The following LRRC8D variants were observed in gnomAD, a reference collection of about 807,000 sequenced individuals.
The protein encoded by LRRC8D is leucine rich repeat containing 8 VRAC subunit D, also known as volume-regulated anion channel subunit LRRC8D.
A neutral mutation model predicts 55.8 loss-of-function variants in LRRC8D; 20 were observed. That is an observed-to-expected ratio of 0.36 (90% CI 0.25 to 0.52). The LOEUF (loss-of-function observed/expected upper bound fraction) is 0.52. LRRC8D is among the 20% of genes least tolerant of loss of function. The pLI is 0.93. For missense variants in LRRC8D, 651 were observed against 1,030.8 expected (o/e 0.63, Z 5.05); for synonymous variants, 352 against 377.0 (o/e 0.93, Z 0.77).
At chr1:89,854,675 A>G (rs1448348817) in intron 2 of LRRC8D, among the ~76,000 whole-genome samples, 2 of 152,224 alleles carry the variant, frequency 1.3e-5, no homozygotes, top group African/African-American at 4.8e-5. Flanking sequence ...TTTGCACATC[A>G]TTAGACAAAA....
At chr1:89,918,515 C>G (rs889697415) in intron 2 of LRRC8D, among the ~76,000 whole-genome samples, 1 of 152,220 alleles carries the variant, frequency 6.6e-6, no homozygotes, top group Non-Finnish European at 1.5e-5. Context: ...AAGGGTCCTC[C>G]CTCTCTGGAG....
Position 89,934,473 on chromosome 1 carries a change from C to T in LRRC8D, c.1405C>T (p.Gln469Ter). The T allele has an allele frequency of 6.2e-7, 1 of 1,614,110 alleles. No homozygotes were observed. Among genetic ancestry groups the T allele is most frequent in the Non-Finnish European group, 8.5e-7 (1 of 1,180,008 alleles). ...KLRQHISRNA[Q>*]DKQELHLFML... Reference sequence around the variant, plus strand: ...CAGGCAGCACATTTCACGCAACGCCCAGGACAAGCAGGAGTTGCATCTGTT... The same window carrying T: ...CAGGCAGCACATTTCACGCAACGCCTAGGACAAGCAGGAGTTGCATCTGTT... The change falls in exon 3 of 3, where the codon CAG (glutamine) becomes TAG (stop). Residue 469 changes from glutamine (Q) to a stop codon, truncating the protein, a stop_gained. Transcript: ENST00000337338. LOFTEE classifies it high-confidence loss of function. The surrounding 1 kb of genome is among the most constrained non-coding windows in gnomAD (Gnocchi z 5.9).
At chr1:89,903,231 C>G (rs1662909413) in intron 2 of LRRC8D, among the ~76,000 whole-genome samples, 1 of 148,560 alleles carries the variant, frequency 6.7e-6, no homozygotes, top group Non-Finnish European at 1.5e-5. Context: ...GTGCTGGAGA[C>G]AGCATGGGGA....
intron 1 of LRRC8D, among the ~76,000 whole-genome samples, chr1:89,831,080 A>G (rs561616833): frequency 2.6e-5 from 4 of 151,804 alleles, no homozygotes; most frequent in Non-Finnish European, 4.4e-5. Flanking sequence ...TAATCTTTGT[A>G]TTTTTAGGAG....
chr1:89,863,222 C>T (rs1301195861), intron 2 of LRRC8D, among the ~76,000 whole-genome samples: 1 of 152,156 alleles, frequency 6.6e-6, no homozygotes. Context: ...TACATGGGCT[C>T]TTATTTGTGA....
intron 2 of LRRC8D, among the ~76,000 whole-genome samples, chr1:89,916,209 T>C (rs989738912): frequency 1.3e-5 from 2 of 152,236 alleles, no homozygotes; most frequent in African/African-American, 4.8e-5. Context: ...AAACCATTAA[T>C]TCCAAGCACA....
intron 2 of LRRC8D, among the ~76,000 whole-genome samples, chr1:89,876,218 C>T (rs537495732): frequency 5.3e-5 from 8 of 152,162 alleles, no homozygotes; most frequent in Non-Finnish European, 1.0e-4. Context: ...TGAGGAATTA[C>T]AGCTACTAGA....
chr1:89,927,573 A>G (rs1663599722), intron 2 of LRRC8D, among the ~76,000 whole-genome samples: 2 of 152,224 alleles, frequency 1.3e-5, no homozygotes, highest in African/African-American at 4.8e-5. Flanking sequence ...GTGGAATTGC[A>G]GGGTCATAAA....
At chr1:89,823,627 G>T (rs1570795634) in intron 1 of LRRC8D, among the ~76,000 whole-genome samples, 1 of 152,214 alleles carries the variant, frequency 6.6e-6, no homozygotes, top group East Asian at 1.9e-4. Flanking sequence ...ATTGGAGCTG[G>T]TGTTTGACAT....
At chr1:89,855,657 C>G (rs1661533912) in intron 2 of LRRC8D, among the ~76,000 whole-genome samples, 1 of 152,182 alleles carries the variant, frequency 6.6e-6, no homozygotes, top group Non-Finnish European at 1.5e-5. Flanking sequence ...TCTGACTATA[C>G]AATTGCCTCT....
chr1:89,897,174 A>G (rs780018428), intron 2 of LRRC8D, among the ~76,000 whole-genome samples: 7 of 152,248 alleles, frequency 4.6e-5, no homozygotes, highest in Non-Finnish European at 1.0e-4. Context: ...TCTCTTGGCT[A>G]TGCTATAGGA....
intron 2 of LRRC8D, among the ~76,000 whole-genome samples, chr1:89,891,123 G>A (rs1377456536): frequency 2.0e-5 from 3 of 152,052 alleles, no homozygotes; most frequent in African/African-American, 4.8e-5. Flanking sequence ...CTTGTGATCC[G>A]CCCGCCTCAG....
chr1:89,875,610 G>A (rs1028235278), intron 2 of LRRC8D, among the ~76,000 whole-genome samples: 1 of 152,174 alleles, frequency 6.6e-6, no homozygotes, highest in African/African-American at 2.4e-5. Context: ...ATATACAACA[G>A]TGTAACTTCC....
intron 1 of LRRC8D, among the ~76,000 whole-genome samples, chr1:89,839,390 G>A (rs1233468269): frequency 6.6e-6 from 1 of 152,198 alleles, no homozygotes; most frequent in African/African-American, 2.4e-5. Flanking sequence ...GGCCCTACCT[G>A]CCTGGTGGTT....
intron 1 of LRRC8D, among the ~76,000 whole-genome samples, chr1:89,830,022 A>G (rs1343710): frequency 0.2 from 30,229 of 152,180 alleles, 3,909 homozygotes; most frequent in Middle Eastern, 0.36. Context: ...GCTGTAACAA[A>G]TGTTTGCTGA....
chr1:89,850,127 T>A (rs753242408), intron 2 of LRRC8D, among the ~76,000 whole-genome samples: 57 of 152,320 alleles, frequency 3.7e-4, no homozygotes, highest in Admixed American at 1.2e-3. Context: ...CCAGCACTAT[T>A]TGCCAACTAG....
intron 2 of LRRC8D, among the ~76,000 whole-genome samples, chr1:89,844,914 A>C (rs1259215670): frequency 2.0e-5 from 3 of 152,210 alleles, no homozygotes; most frequent in Non-Finnish European, 4.4e-5. Context: ...GCCCTGTTAA[A>C]GCCAGTAGCA....
chr1:89,879,572 A>G (rs12093299), intron 2 of LRRC8D, among the ~76,000 whole-genome samples: 25,042 of 152,152 alleles, frequency 0.16, 2,148 homozygotes, highest in African/African-American at 0.19. Flanking sequence ...CTGTTGTGTT[A>G]CCTTATGTAT....
chr1:89,825,278 T>G (rs1055006568), intron 1 of LRRC8D, among the ~76,000 whole-genome samples: 2 of 152,262 alleles, frequency 1.3e-5, no homozygotes, highest in Non-Finnish European at 2.9e-5. Flanking sequence ...TAGCCCTTAT[T>G]TTGGGGGCTT....
Sources: allele counts gnomAD v4.1 joint callset (sites outside exome capture counted in the v4.1 genomes callset), GRCh38; gene constraint gnomAD v4.1.1; non-coding constraint Gnocchi (gnomAD v3.1); transcripts MANE v1.5; gene names NCBI Gene and HGNC (gene_info 2026-07-23, HGNC 2026-07-21).